The following PLCG1 variants were observed in gnomAD, a reference collection of about 807,000 sequenced individuals.
PLCG1 encodes phospholipase C gamma 1.
In PLCG1, 71 loss-of-function variants were observed where a neutral mutation model predicts 177.8. The ratio of observed to expected loss-of-function variants is 0.40; its 90% CI spans 0.33 to 0.49. The LOEUF is 0.49. Among genes scored for constraint, PLCG1 ranks in the 20% least tolerant of loss-of-function variants. The probability of loss-of-function intolerance (pLI) is 0.72; values close to 1 mark genes in which losing one functional copy is unlikely to be tolerated. For synonymous variants in PLCG1, 658 were observed against 647.9 expected, an observed-to-expected ratio of 1.02 and a Z score of -0.24; for missense variants, 1,281 against 1,709.0, an observed-to-expected ratio of 0.75 and a Z score of 4.42.
Position 41,137,863 on chromosome 20 carries a change from G to A in PLCG1, c.217+5G>A. On this transcript the variant is annotated splice_donor_5th_base_variant and intron_variant, in intron 1 of 31. Coordinates refer to ENST00000685551, the MANE Select transcript of PLCG1 (RefSeq NM_002660.3). The surrounding 1 kb of genome is among the most constrained non-coding windows in gnomAD (Gnocchi z 7.3). Reference sequence around the variant, plus strand: ...CCGACAAGATCGAGGGGGCCAGTAAGTGCGCCCACTTCCTGCCTGGGCCCG... The same window carrying A: ...CCGACAAGATCGAGGGGGCCAGTAAATGCGCCCACTTCCTGCCTGGGCCCG... The A allele has an allele frequency of 1.6e-6, 2 of 1,271,956 alleles. No individual in the cohort carries two copies. The highest frequency in any genetic ancestry group is 2.0e-6 in the Non-Finnish European group (2 of 1,001,400). 78.8% of individuals were successfully genotyped at this position (1,271,956 alleles called of 1,614,324 possible).
intron 23 of PLCG1, 150 bp downstream of exon 23, chr20:41,169,676 A>G: frequency 1.5e-6 from 1 of 661,148 alleles, no homozygotes; most frequent in Non-Finnish European, 2.7e-6. Context: ...CATCCCCTTG[A>G]CACCCTGGGC....
intron 4 of PLCG1, among the ~76,000 whole-genome samples, chr20:41,161,182 A>G (rs2035483225): frequency 6.6e-6 from 1 of 152,140 alleles, no homozygotes; most frequent in African/African-American, 2.4e-5. Context: ...GGTCAGGGAC[A>G]ACTAGTGCGG....
At position 41,165,762 on chromosome 20, in the gene PLCG1, C is replaced by T; in HGVS notation, c.1735C>T (p.Pro579Ser). Residue 579 changes from proline to serine, a missense_variant, in exon 16 of 32, where the codon CCT becomes TCT. Coordinates refer to ENST00000685551, the MANE Select transcript of PLCG1 (RefSeq NM_002660.3). The surrounding 1 kb of genome is among the most constrained non-coding windows in gnomAD (Gnocchi z 6.6). ...LTEYCIETGA[P>S]DGSFLVRESE... The stretch of plus-strand genomic sequence containing the variant: ...TGAGTACTGCATCGAGACCGGAGCC[C>T]CTGACGGCTCCTTCCTCGTGCGAGA... The T allele has an allele frequency of 6.2e-7, 1 of 1,609,066 alleles. No homozygotes were observed. The highest frequency in any genetic ancestry group is 8.5e-7 in the Non-Finnish European group (1 of 1,176,126).
chr20:41,168,437 G>A (rs2035776206), intron 20 of PLCG1, among the ~76,000 whole-genome samples: 1 of 152,240 alleles, frequency 6.6e-6, no homozygotes, highest in Non-Finnish European at 1.5e-5. Flanking sequence ...CAGGGCCACT[G>A]CAGACCCTGC....
In PLCG1 at chr20:41,173,144, AT is replaced by A. The variant is rs1474099648; in HGVS notation, c.3279+270del. Among the ~76,000 whole-genome samples, 5 of 152,080 alleles carry A rather than the reference AT, an allele frequency of 3.3e-5. No individual in the cohort carries two copies. ...TCCCTAAGGGGAGGTCATTTAAAAGATTTCTGTGTTAAAATAGTAATGGATT... is the reference window on the plus strand; with the variant it reads ...TCCCTAAGGGGAGGTCATTTAAAAGATTCTGTGTTAAAATAGTAATGGATT... On this transcript the variant is annotated intron_variant, in intron 27 of 31. Coordinates refer to ENST00000685551, the MANE Select transcript of PLCG1 (RefSeq NM_002660.3). This position sits in a 1 kb window ranked among gnomAD's most constrained non-coding sequence, Gnocchi z 6.2.
intron 1 of PLCG1, among the ~76,000 whole-genome samples, chr20:41,145,689 T>C (rs1368257232): frequency 6.6e-6 from 1 of 152,044 alleles, no homozygotes; most frequent in Admixed American, 6.5e-5. Context: ...TAGGGGGTGT[T>C]TTCAGCCCCT....
At chr20:41,161,892 C>A (rs1242180978) in intron 4 of PLCG1, among the ~76,000 whole-genome samples, 2 of 152,160 alleles carry the variant, frequency 1.3e-5, no homozygotes, top group Non-Finnish European at 2.9e-5. Context: ...CCCTGTCTAG[C>A]CCCAGGAGGT....
At position 41,166,049 on chromosome 20, in the gene PLCG1, T is replaced by G; in HGVS notation, c.1800-145T>G. On this transcript the variant is annotated intron_variant, in intron 16 of 31. Coordinates refer to ENST00000685551, the MANE Select transcript of PLCG1 (RefSeq NM_002660.3). The surrounding 1 kb of genome is among the most constrained non-coding windows in gnomAD (Gnocchi z 8.6). Reference sequence around the variant, plus strand: ...TTGAAGCCCACACCTTTGGTTCATGTGACTGCCCACACCTGAGCTCCTCAG... The same window carrying G: ...TTGAAGCCCACACCTTTGGTTCATGGGACTGCCCACACCTGAGCTCCTCAG... The G allele has an allele frequency of 1.7e-6, 1 of 605,040 alleles. No individual in the cohort carries two copies. The highest frequency in any genetic ancestry group is 2.6e-6 in the Non-Finnish European group (1 of 378,054). 37.5% of individuals were successfully genotyped at this position (605,040 alleles called of 1,614,324 possible).
At chr20:41,143,704 T>G (rs544269392) in intron 1 of PLCG1, among the ~76,000 whole-genome samples, 1 of 152,320 alleles carries the variant, frequency 6.6e-6, no homozygotes, top group African/African-American at 2.4e-5. Context: ...GCTGGTCAGA[T>G]TTGGGTTCAG....
Position 41,159,816 on chromosome 20 carries a change from C to T in PLCG1, c.371-54C>T, listed in dbSNP as rs373872814. 2.5e-6 allele frequency: 4 copies of T among 1,613,126 alleles called. No individual in the cohort carries two copies. Among genetic ancestry groups the T allele is most frequent in the East Asian group, 2.2e-5 (1 of 44,888 alleles). ...TAGTTAGGGGAATGCCTGCTGGCTC[C>T]TGCCCAGTGGGAGGTATGTGCCCTC... is the stretch of plus-strand genomic sequence containing the variant. On this transcript the variant is annotated intron_variant, in intron 2 of 31. Coordinates refer to ENST00000685551, the MANE Select transcript of PLCG1 (RefSeq NM_002660.3). The surrounding 1 kb of genome is among the most constrained non-coding windows in gnomAD (Gnocchi z 6.0).
In PLCG1 at chr20:41,137,952, C is replaced by G. The variant is rs374111367; in HGVS notation, c.217+94C>G. 2.9e-4 allele frequency: 260 copies of G among 887,348 alleles called. No individual in the cohort carries two copies. In the East Asian group the frequency reaches 8.2e-3, roughly 28 times the overall value. 55.0% of individuals were successfully genotyped at this position (887,348 alleles called of 1,614,324 possible). ...GCACCCCGGCCGGCCGCCCCAGCGACTTGGGCAAACTTTCGGGCCCTCCCA... is the reference window on the plus strand; with the variant it reads ...GCACCCCGGCCGGCCGCCCCAGCGAGTTGGGCAAACTTTCGGGCCCTCCCA... On this transcript the variant is annotated intron_variant, in intron 1 of 31. Coordinates refer to ENST00000685551, the MANE Select transcript of PLCG1 (RefSeq NM_002660.3). This position sits in a 1 kb window ranked among gnomAD's most constrained non-coding sequence, Gnocchi z 7.3.
chr20:41,170,340 A>C (rs2035855643), intron 24 of PLCG1, 71 bp downstream of exon 24: 2 of 1,552,782 alleles, frequency 1.3e-6, no homozygotes, highest in African/African-American at 2.7e-5. Context: ...TCCAGCTCCC[A>C]GCACAGGCCC....
Position 41,166,868 on chromosome 20 carries a change from G to C in PLCG1, c.2301+9G>C, listed in dbSNP as rs2035712995. The C allele has an allele frequency of 1.2e-6, 2 of 1,613,144 alleles. No homozygotes were observed. The highest frequency in any genetic ancestry group is 1.7e-6 in the Non-Finnish European group (2 of 1,179,208). On this transcript the variant is annotated intron_variant, in intron 19 of 31. Coordinates refer to ENST00000685551, the MANE Select transcript of PLCG1 (RefSeq NM_002660.3). This position sits in a 1 kb window ranked among gnomAD's most constrained non-coding sequence, Gnocchi z 8.6. ...AGAAGATTGGCACAGCTGTGAGGGGGCTGTGGTAGACGGGGCATGGCAGGG... is the reference window on the plus strand; with the variant it reads ...AGAAGATTGGCACAGCTGTGAGGGGCCTGTGGTAGACGGGGCATGGCAGGG...
intron 1 of PLCG1, among the ~76,000 whole-genome samples, chr20:41,140,954 A>G (rs905759860): frequency 6.6e-6 from 1 of 152,158 alleles, no homozygotes; most frequent in Non-Finnish European, 1.5e-5. Flanking sequence ...CCCCAAGCCC[A>G]TGTTCCCTGT....
At position 41,137,916 on chromosome 20, in the gene PLCG1, C is replaced by T. The variant is rs2034652657; in HGVS notation, c.217+58C>T. ...CCGCGCGGGGGTCGTGGGAGCCCGG[C>T]CCGACTGCTTGCACCCCGGCCGGCC... On this transcript the variant is annotated intron_variant, in intron 1 of 31. Transcript: ENST00000685551. The surrounding 1 kb of genome is among the most constrained non-coding windows in gnomAD (Gnocchi z 7.3). 21 of 1,155,176 alleles carry T rather than the reference C, an allele frequency of 1.8e-5. No homozygotes were observed. The East Asian group carries it at 6.7e-4, about 37-fold the overall frequency. 71.6% of individuals were successfully genotyped at this position (1,155,176 alleles called of 1,614,324 possible).
In PLCG1 at chr20:41,160,245, A is replaced by C; in HGVS notation, c.512+92A>C. 8.3e-7 allele frequency: 1 copy of C among 1,200,828 alleles called. No homozygotes were observed. The allele number at this position is 1,200,828 out of a possible 1,614,324, so 74.4% of individuals were successfully genotyped here. ...TCTAAGTAGCTGCCCGGAGAGCCAG[A>C]GGACCCAGGGGACCTTAAGTGGGGC... On this transcript the variant is annotated intron_variant, in intron 4 of 31. Coordinates refer to ENST00000685551, the MANE Select transcript of PLCG1 (RefSeq NM_002660.3). This position sits in a 1 kb window ranked among gnomAD's most constrained non-coding sequence, Gnocchi z 5.5.
Position 41,168,048 on chromosome 20 carries a change from G to A in PLCG1, c.2379+119G>A, listed in dbSNP as rs575345178. On this transcript the variant is annotated intron_variant, in intron 20 of 31. Transcript: ENST00000685551. ...GGAGAAGTGGTGGTTGTGGTTTTCC[G>A]AGGCCCAAGAGGTTGTGAGAGATGT... is the stretch of plus-strand genomic sequence containing the variant. 3.5e-5 allele frequency: 26 copies of A among 739,596 alleles called. No homozygotes were observed. The African/African-American group carries it at 4.0e-4, about 11-fold the overall frequency. 45.8% of individuals were successfully genotyped at this position (739,596 alleles called of 1,614,324 possible). A position where few individuals can be genotyped will look rare whatever the true frequency, so the allele number is the denominator to read the frequency against.
chr20:41,161,625 G>A (rs1020754091), intron 4 of PLCG1, among the ~76,000 whole-genome samples: 16 of 152,126 alleles, frequency 1.1e-4, no homozygotes, highest in African/African-American at 3.6e-4. Context: ...CCTCCGCAGT[G>A]CTTGATCCAC....
chr20:41,175,702 T>C lies in PLCG1; in HGVS notation c.*1193T>C, dbSNP rs774230397. 9 of 152,796 alleles carry C rather than the reference T, an allele frequency of 5.9e-5. No individual in the cohort carries two copies. The highest frequency in any genetic ancestry group is 3.4e-3 in the Middle Eastern group (1 of 294). 9.5% of individuals were successfully genotyped at this position (152,796 alleles called of 1,614,324 possible). ...TCTTAAGATCTGACTGCCAAATAAA[T>C]CATCCTCATGTCCTTTTTCCTTTGA... On this transcript the variant is annotated 3_prime_UTR_variant, in exon 32 of 32. Transcript: ENST00000685551.
Sources: allele counts gnomAD v4.1 joint callset (sites outside exome capture counted in the v4.1 genomes callset), GRCh38; gene constraint gnomAD v4.1.1; non-coding constraint Gnocchi (gnomAD v3.1); transcripts MANE v1.5; gene names NCBI Gene and HGNC (gene_info 2026-07-23, HGNC 2026-07-21).